The following NT5DC1 variants were observed in gnomAD, a reference collection of about 807,000 sequenced individuals.
NT5DC1 encodes the protein 5'-nucleotidase domain containing 1.
NT5DC1 carries 42 observed loss-of-function variants against 59.4 expected under a neutral mutation model. That is an observed-to-expected ratio of 0.71 (90% CI 0.55 to 0.92). The LOEUF (loss-of-function observed/expected upper bound fraction) is 0.92. Among genes scored for constraint, NT5DC1 ranks in the 40% least tolerant of loss-of-function variants. NT5DC1 has a pLI of 0.00. For synonymous variants in NT5DC1, 172 were observed against 188.1 expected (o/e 0.91, Z 0.70); for missense variants, 501 against 537.1 (o/e 0.93, Z 0.66).
chr6:116,108,353 T>G lies in NT5DC1; in HGVS notation c.186-11T>G. 6.4e-7 allele frequency: 1 copy of G among 1,569,136 alleles called. No homozygotes were observed. The highest frequency in any genetic ancestry group is 8.8e-7 in the Non-Finnish European group (1 of 1,139,222). On this transcript the variant is annotated splice_polypyrimidine_tract_variant and intron_variant, in intron 2 of 11. Transcript: ENST00000319550. ...TAGGAATTGATTAATAATCAAACTTTCCTATTTCAGTTGCAAAGGTTTGGC... is the reference window on the plus strand; with the variant it reads ...TAGGAATTGATTAATAATCAAACTTGCCTATTTCAGTTGCAAAGGTTTGGC...
chr6:116,121,184 C>T, intron 6 of NT5DC1: 1 of 1,613,332 alleles, frequency 6.2e-7, no homozygotes, highest in Non-Finnish European at 8.5e-7. Context: ...GCCAGCAGGT[C>T]CTCTTTCTCC....
chr6:116,181,724 A>G (rs971209058), intron 6 of NT5DC1, among the ~76,000 whole-genome samples: 1 of 152,146 alleles, frequency 6.6e-6, no homozygotes, highest in Non-Finnish European at 1.5e-5. Flanking sequence ...CTGTGCAAAA[A>G]AAAAGTGCAC....
At chr6:116,102,458 T>C (rs1016543891) in intron 1 of NT5DC1, among the ~76,000 whole-genome samples, 1 of 152,244 alleles carries the variant, frequency 6.6e-6, no homozygotes, top group African/African-American at 2.4e-5. Context: ...AGGTCTTTGA[T>C]ACATGTTTTC....
chr6:116,146,924 T>G (rs148936512), intron 6 of NT5DC1, among the ~76,000 whole-genome samples: 2 of 151,212 alleles, frequency 1.3e-5, no homozygotes, highest in East Asian at 3.9e-4. Flanking sequence ...CAAAGGTCTA[T>G]GGATTAAAAA....
chr6:116,157,705 G>T (rs1271583188), intron 6 of NT5DC1, among the ~76,000 whole-genome samples: 1 of 151,998 alleles, frequency 6.6e-6, no homozygotes, highest in East Asian at 1.9e-4. Context: ...AAAAACAGTT[G>T]AACTAAATTA....
chr6:116,220,984 C>T, intron 6 of NT5DC1, 70 bp from the exon 7 acceptor site: 1 of 748,048 alleles, frequency 1.3e-6, no homozygotes, highest in Non-Finnish European at 2.2e-6. Context: ...AAGAGATTAA[C>T]TTGTTAGAGA....
At position 116,110,893 on chromosome 6, in the gene NT5DC1, G is replaced by A. The variant is rs1778862057; in HGVS notation, c.301G>A (p.Glu101Lys). Residue 101 changes from glutamate (E) to lysine (K), a missense_variant, in exon 4 of 12, where the codon GAG becomes AAG. Coordinates refer to ENST00000319550, the MANE Select transcript of NT5DC1 (RefSeq NM_152729.3). ...TKMMTPEVLA[E>K]AYGKKEWKHF... ...GATGATGACTCCAGAGGTGCTGGCA[G>A]AGGCATATGGCAAGAAAGAGTGGAA... 6.2e-7 allele frequency: 1 copy of A among 1,614,176 alleles called. No individual in the cohort carries two copies. Among genetic ancestry groups the A allele is most frequent in the South Asian group, 1.1e-5 (1 of 91,092 alleles).
intron 6 of NT5DC1, among the ~76,000 whole-genome samples, chr6:116,198,598 G>C (rs1019242248): frequency 6.6e-6 from 1 of 151,858 alleles, no homozygotes; most frequent in Admixed American, 6.6e-5. Context: ...AGATCTGGTG[G>C]TGTGCACCTG....
chr6:116,173,028 A>G (rs1323975195), intron 6 of NT5DC1, among the ~76,000 whole-genome samples: 4 of 152,174 alleles, frequency 2.6e-5, no homozygotes, highest in African/African-American at 9.7e-5. Flanking sequence ...CAATTCACAG[A>G]TATTATTTTG....
In NT5DC1 at chr6:116,245,861, C is replaced by CTT. The variant is rs1468795111; in HGVS notation, c.*1839_*1840dup. On this transcript the variant is annotated 3_prime_UTR_variant, in exon 12 of 12. Coordinates refer to ENST00000319550, the MANE Select transcript of NT5DC1 (RefSeq NM_152729.3). Reference sequence around the variant, plus strand: ...CAGTTGTCAGAAGTTCTAGTATTCCCTTTATCATTCCACCTAAAGACCCTG... The same window carrying CTT: ...CAGTTGTCAGAAGTTCTAGTATTCCCTTTTTATCATTCCACCTAAAGACCCTG... 1.3e-5 allele frequency: 2 copies of CTT among 152,064 alleles called. No homozygotes were observed. The highest frequency in any genetic ancestry group is 2.9e-5 in the Non-Finnish European group (2 of 67,960). The allele number at this position is 152,064 out of a possible 1,614,324, so 9.4% of individuals were successfully genotyped here.
rs552728584 is a variant in NT5DC1, at chr6:116,195,179, A to G, written c.530-25875A>G. The stretch of plus-strand genomic sequence containing the variant: ...TGAAATGTCAATCTGGTTAATTTCT[A>G]TAAAATAAAACATACTGAAGTTATA... On this transcript the variant is annotated intron_variant, in intron 6 of 11. Transcript: ENST00000319550. Among the ~76,000 whole-genome samples the G allele has an allele frequency of 9.2e-5, 14 of 152,230 alleles. No individual in the cohort carries two copies. The East Asian group carries it at 2.3e-3, about 25-fold the overall frequency.
chr6:116,148,299 A>G (rs1311947178), intron 6 of NT5DC1, among the ~76,000 whole-genome samples: 2 of 152,222 alleles, frequency 1.3e-5, no homozygotes, highest in Non-Finnish European at 2.9e-5. Flanking sequence ...TATCTATTCC[A>G]AAACACATCA....
intron 6 of NT5DC1, 34 bp downstream of exon 6, chr6:116,117,979 G>T: frequency 9.7e-7 from 1 of 1,026,778 alleles, no homozygotes; most frequent in South Asian, 1.4e-5. Context: ...TCTAATACGT[G>T]TTTGTTAAGC....
At chr6:116,192,293 G>C (rs898340724) in intron 6 of NT5DC1, among the ~76,000 whole-genome samples, 1 of 151,994 alleles carries the variant, frequency 6.6e-6, no homozygotes, top group African/African-American at 2.4e-5. Flanking sequence ...CTAATACATA[G>C]TGAGGAGCTC....
intron 6 of NT5DC1, among the ~76,000 whole-genome samples, chr6:116,156,179 A>G (rs993083816): frequency 1.3e-5 from 2 of 152,184 alleles, no homozygotes; most frequent in Non-Finnish European, 2.9e-5. Context: ...TTGGGGAGGA[A>G]TAAGTAAAAT....
chr6:116,135,849 A>ATATATATATATATATATATATG (rs1562132584), intron 6 of NT5DC1, among the ~76,000 whole-genome samples: 2 of 102,484 alleles, frequency 2.0e-5, no homozygotes, highest in Non-Finnish European at 4.0e-5. Flanking sequence ...ATATATATAT[A>ATATATATATATATATATATATG]TATATATATA....
At chr6:116,159,304 T>C (rs1582842810) in intron 6 of NT5DC1, among the ~76,000 whole-genome samples, 1 of 152,352 alleles carries the variant, frequency 6.6e-6, no homozygotes, top group East Asian at 1.9e-4. Flanking sequence ...AACATAACTT[T>C]CTTTTTCCAT....
At position 116,248,318 on chromosome 6, in the gene NT5DC1, T is replaced by G. The variant is rs1189343638; in HGVS notation, c.*4294T>G. On this transcript the variant is annotated 3_prime_UTR_variant, in exon 12 of 12. Coordinates refer to ENST00000319550, the MANE Select transcript of NT5DC1 (RefSeq NM_152729.3). The stretch of plus-strand genomic sequence containing the variant: ...TCAAAGTAATATGTGCACTTCGAAG[T>G]GCCTGACATATCTCAGATCTTTTGA... The G allele has an allele frequency of 6.6e-6, 1 of 152,202 alleles. No homozygotes were observed. The highest frequency in any genetic ancestry group is 1.5e-5 in the Non-Finnish European group (1 of 68,030). The allele number at this position is 152,202 out of a possible 1,614,324, so 9.4% of individuals were successfully genotyped here.
At chr6:116,119,530 T>A (rs767696989) in intron 6 of NT5DC1, 4 of 154,372 alleles carry the variant, frequency 2.6e-5, no homozygotes, top group Non-Finnish European at 5.8e-5. Flanking sequence ...AAAGGGGCCA[T>A]ACAGGCCTCA....
Sources: allele counts gnomAD v4.1 joint callset (sites outside exome capture counted in the v4.1 genomes callset), GRCh38; gene constraint gnomAD v4.1.1; transcripts MANE v1.5; gene names NCBI Gene and HGNC (gene_info 2026-07-23, HGNC 2026-07-21).